CSMD1: variants seen among roughly 807,000 people sequenced by gnomAD.
CSMD1 encodes the protein CUB and Sushi multiple domains 1.
CSMD1 carries 213 observed loss-of-function variants against 417.5 expected under a neutral mutation model. The ratio of observed to expected loss-of-function variants is 0.51; its 90% CI spans 0.46 to 0.57. The LOEUF (loss-of-function observed/expected upper bound fraction) is 0.57. Ranked by LOEUF, CSMD1 falls within the 20% of genes least tolerant of loss-of-function variation. CSMD1 has a pLI of 0.00. For synonymous variants in CSMD1, 2,862 were observed against 1,736.8 expected, an observed-to-expected ratio of 1.65 and a Z score of -16.11; for missense variants, 6,923 against 4,529.7, an observed-to-expected ratio of 1.53 and a Z score of -15.17.
At chr8:3,783,468 G>A (rs1319369840) in intron 5 of CSMD1, among the ~76,000 whole-genome samples, 3 of 152,302 alleles carry the variant, frequency 2.0e-5, no homozygotes, top group South Asian at 2.1e-4. Flanking sequence ...AAGCATTGGC[G>A]GGCTGTGAGG....
intron 3 of CSMD1, among the ~76,000 whole-genome samples, chr8:4,182,410 C>A (rs948329806): frequency 1.3e-5 from 2 of 152,090 alleles, no homozygotes; most frequent in South Asian, 4.1e-4. Flanking sequence ...TCAGTAAATG[C>A]TGAACCTGCC....
chr8:4,604,043 T>C (rs1199782531), intron 2 of CSMD1, among the ~76,000 whole-genome samples: 1 of 152,110 alleles, frequency 6.6e-6, no homozygotes, highest in Non-Finnish European at 1.5e-5. Flanking sequence ...TGTATCAGTT[T>C]ATTGACAGTT....
intron 54 of CSMD1, among the ~76,000 whole-genome samples, chr8:2,985,944 G>GAA (rs1440049414): frequency 1.5e-5 from 2 of 136,556 alleles, no homozygotes; most frequent in African/African-American, 5.7e-5. Flanking sequence ...GGGAAGGGAA[G>GAA]GGGAAGGGGA....
intron 25 of CSMD1, among the ~76,000 whole-genome samples, chr8:3,286,124 G>C (rs1179859002): frequency 6.6e-6 from 1 of 152,018 alleles, no homozygotes; most frequent in African/African-American, 2.4e-5. Flanking sequence ...ATGGTTTCCA[G>C]CTTCATCCAT....
Position 3,002,538 on chromosome 8 carries a change from G to C in CSMD1, c.8030-2407C>G, listed in dbSNP as rs143764903. ...GCCTGGAACCACTCCAAGAGGAGGG[G>C]ATGTGGGACCAAAGGCAATAGTGAT... is the stretch of plus-strand genomic sequence containing the variant. On this transcript the variant is annotated intron_variant, in intron 52 of 69. Transcript: ENST00000635120. Among the ~76,000 whole-genome samples, 380 of 152,320 alleles carry C rather than the reference G, an allele frequency of 2.5e-3. 4 individuals carry two copies. The highest frequency in any genetic ancestry group is 8.8e-3 in the African/African-American group (367 of 41,574).
intron 3 of CSMD1, among the ~76,000 whole-genome samples, chr8:4,125,993 G>A (rs963286368): frequency 6.6e-6 from 1 of 152,012 alleles, no homozygotes; most frequent in African/African-American, 2.4e-5. Context: ...CGGTGGTTGT[G>A]ATATGTTGCA....
intron 3 of CSMD1, among the ~76,000 whole-genome samples, chr8:4,075,386 G>C (rs1799769149): frequency 6.6e-6 from 1 of 151,812 alleles, no homozygotes; most frequent in South Asian, 2.1e-4. Context: ...CTAAAGAACA[G>C]AAAAAACTCA....
At chr8:3,443,674 A>C (rs1262969227) in intron 12 of CSMD1, among the ~76,000 whole-genome samples, 5 of 152,234 alleles carry the variant, frequency 3.3e-5, no homozygotes, top group African/African-American at 1.2e-4. Context: ...ATATCACAAT[A>C]AAACAAAATT....
Position 4,652,482 on chromosome 8 carries a change from G to A in CSMD1, c.86-14924C>T, listed in dbSNP as rs189800486. Among the ~76,000 whole-genome samples the A allele has an allele frequency of 2.4e-3, 369 of 152,120 alleles. 5 individuals are homozygous for A. Among genetic ancestry groups the A allele is most frequent in the African/African-American group, 8.6e-3 (358 of 41,486 alleles). On this transcript the variant is annotated intron_variant, in intron 1 of 69. Transcript: ENST00000635120. ...ATGCAGCCTACCAGAAAGAACCACT[G>A]TGCCGAGCCTGCCGAGACAGATTCG... is the stretch of plus-strand genomic sequence containing the variant.
chr8:3,498,126 C>G (rs1404914286), intron 10 of CSMD1, among the ~76,000 whole-genome samples: 1 of 152,316 alleles, frequency 6.6e-6, no homozygotes, highest in African/African-American at 2.4e-5. Flanking sequence ...TTATATCACC[C>G]TGTTCTCCCC....
chr8:3,063,503 A>G (rs934680867), intron 49 of CSMD1, among the ~76,000 whole-genome samples: 19 of 152,224 alleles, frequency 1.2e-4, no homozygotes, highest in Non-Finnish European at 5.9e-5. Flanking sequence ...CTGGCTAAAT[A>G]CCCAAAAGGA....
At chr8:3,603,302 T>C (rs1187429826) in intron 8 of CSMD1, among the ~76,000 whole-genome samples, 1 of 151,836 alleles carries the variant, frequency 6.6e-6, no homozygotes, top group Non-Finnish European at 1.5e-5. Flanking sequence ...GTTACAGGCA[T>C]AGGAATATGT....
intron 3 of CSMD1, among the ~76,000 whole-genome samples, chr8:4,242,488 G>A (rs904242648): frequency 6.6e-6 from 1 of 152,180 alleles, no homozygotes; most frequent in Non-Finnish European, 1.5e-5. Flanking sequence ...GAGACTTCCT[G>A]AGAGCAATTT....
intron 10 of CSMD1, among the ~76,000 whole-genome samples, chr8:3,531,484 G>C (rs578228334): frequency 6.6e-6 from 1 of 152,214 alleles, no homozygotes; most frequent in South Asian, 2.1e-4. Context: ...CTGTCATTGT[G>C]AGATTATTGA....
chr8:3,629,750 C>G (rs1001880432), intron 7 of CSMD1, among the ~76,000 whole-genome samples: 2 of 152,106 alleles, frequency 1.3e-5, no homozygotes, highest in African/African-American at 4.8e-5. Context: ...CCAAAAGAAA[C>G]ACACACCTTT....
intron 5 of CSMD1, among the ~76,000 whole-genome samples, chr8:3,816,915 T>G (rs775765062): frequency 3.3e-5 from 5 of 152,090 alleles, no homozygotes; most frequent in African/African-American, 1.2e-4. Flanking sequence ...TTCTATATGG[T>G]CCTCCCTATT....
At chr8:4,770,530 A>G (rs1306274120) in intron 1 of CSMD1, among the ~76,000 whole-genome samples, 1 of 151,922 alleles carries the variant, frequency 6.6e-6, no homozygotes, top group African/African-American at 2.4e-5. Context: ...AAAAAATCAA[A>G]AGTTGAAGGC....
At chr8:3,986,302 A>AT (rs1814316618) in intron 5 of CSMD1, among the ~76,000 whole-genome samples, 1 of 152,156 alleles carries the variant, frequency 6.6e-6, no homozygotes, top group Admixed American at 6.5e-5. Context: ...CTATGTTTCT[A>AT]AAAGCTCAGT....
At chr8:3,178,734 T>A (rs989182537) in intron 37 of CSMD1, among the ~76,000 whole-genome samples, 1 of 151,854 alleles carries the variant, frequency 6.6e-6, no homozygotes, top group South Asian at 2.1e-4. Context: ...AGCGTCTACT[T>A]TTTTTTTCCA....
Sources: gnomAD v4.1 joint callset for allele counts (sites outside exome capture counted in the v4.1 genomes callset) on GRCh38, gnomAD v4.1.1 for gene constraint, MANE v1.5 for transcripts, NCBI Gene and HGNC (gene_info 2026-07-23, HGNC 2026-07-21) for gene names.